Variants in CSMD1 observed in about 807,000 individuals in gnomAD.
CSMD1 encodes CUB and Sushi multiple domains 1, also known as CUB and sushi domain-containing protein 1.
A neutral mutation model predicts 417.5 loss-of-function variants in CSMD1; 213 were observed. That is an observed-to-expected ratio of 0.51 (90% CI 0.46 to 0.57). The LOEUF (loss-of-function observed/expected upper bound fraction) is 0.57. Ranked by LOEUF, CSMD1 falls within the 20% of genes least tolerant of loss-of-function variation. The pLI, the probability that CSMD1 is intolerant of heterozygous loss-of-function variation, is 0.00. For missense variants in CSMD1, 6,923 were observed against 4,529.7 expected (o/e 1.53, Z -15.17); for synonymous variants, 2,862 against 1,736.8 (o/e 1.65, Z -16.11).
intron 5 of CSMD1, among the ~76,000 whole-genome samples, chr8:3,889,988 C>T (rs1806846676): frequency 6.6e-6 from 1 of 151,998 alleles, no homozygotes. Context: ...CTCGAGACAA[C>T]CCTGGGAATA....
chr8:3,900,180 A>G (rs1807636568), intron 5 of CSMD1, among the ~76,000 whole-genome samples: 1 of 152,064 alleles, frequency 6.6e-6, no homozygotes, highest in Non-Finnish European at 1.5e-5. Flanking sequence ...GTGACAGTGT[A>G]GCTGGGTAAC....
intron 49 of CSMD1, among the ~76,000 whole-genome samples, chr8:3,077,807 G>T (rs867861498): frequency 2.0e-5 from 3 of 152,170 alleles, no homozygotes; most frequent in African/African-American, 7.2e-5. Flanking sequence ...CCTCTTCAAT[G>T]AAAGACCATA....
intron 11 of CSMD1, among the ~76,000 whole-genome samples, chr8:3,480,522 A>G (rs569878616): frequency 2.0e-5 from 3 of 152,318 alleles, no homozygotes; most frequent in African/African-American, 7.2e-5. Flanking sequence ...AAATTATTTA[A>G]AAAAATAATT....
chr8:4,612,434 G>T (rs559014178), intron 2 of CSMD1, among the ~76,000 whole-genome samples: 1 of 152,172 alleles, frequency 6.6e-6, no homozygotes, highest in Non-Finnish European at 1.5e-5. Context: ...GAAAATAATA[G>T]GGAAGATGCC....
chr8:4,599,980 G>T (rs897910722), intron 2 of CSMD1, among the ~76,000 whole-genome samples: 1 of 152,148 alleles, frequency 6.6e-6, no homozygotes, highest in African/African-American at 2.4e-5. Flanking sequence ...CTCCATGGAG[G>T]TGTTCACTGT....
At chr8:3,427,633 T>G (rs1254458160) in intron 12 of CSMD1, among the ~76,000 whole-genome samples, 2 of 152,140 alleles carry the variant, frequency 1.3e-5, no homozygotes, top group Non-Finnish European at 2.9e-5. Context: ...GTTCATAGAG[T>G]GATCCCACAA....
At chr8:3,417,702 G>C (rs1813242789) in intron 12 of CSMD1, among the ~76,000 whole-genome samples, 1 of 152,102 alleles carries the variant, frequency 6.6e-6, no homozygotes, top group Non-Finnish European at 1.5e-5. Flanking sequence ...TGACCACACT[G>C]TGCCTGCTCT....
intron 26 of CSMD1, among the ~76,000 whole-genome samples, chr8:3,269,924 A>G (rs1801713196): frequency 1.3e-5 from 2 of 152,212 alleles, no homozygotes; most frequent in South Asian, 4.1e-4. Flanking sequence ...TTAGTCTTCC[A>G]TAAAGTGAAG....
At chr8:3,912,852 G>C (rs1027592886) in intron 5 of CSMD1, among the ~76,000 whole-genome samples, 6 of 152,192 alleles carry the variant, frequency 3.9e-5, no homozygotes, top group African/African-American at 9.7e-5. Flanking sequence ...GAGAGTTCTG[G>C]AGGGGGCGTA....
chr8:4,024,440 A>T (rs984368277), intron 4 of CSMD1, among the ~76,000 whole-genome samples: 1 of 152,208 alleles, frequency 6.6e-6, no homozygotes, highest in Non-Finnish European at 1.5e-5. Context: ...AACCATGTTC[A>T]TATGTTACTG....
Position 3,287,831 on chromosome 8 carries a change from A to G in CSMD1, c.3951-3485T>C, listed in dbSNP as rs913676559. Reference sequence around the variant, plus strand: ...CCTGATTGCCCTGGCCAGAACTTCCAACACTATGTTGAATAGGACTGGTGA... The same window carrying G: ...CCTGATTGCCCTGGCCAGAACTTCCGACACTATGTTGAATAGGACTGGTGA... On this transcript the variant is annotated intron_variant, in intron 25 of 69. Transcript: ENST00000635120. 1.4e-3 allele frequency among the ~76,000 whole-genome samples: 219 copies of G among 151,166 alleles called. 6 individuals are homozygous for G. The highest frequency in any genetic ancestry group is 1.3e-4 in the Non-Finnish European group (9 of 67,984).
intron 2 of CSMD1, among the ~76,000 whole-genome samples, chr8:4,447,997 G>A (rs142958850): frequency 1.0e-3 from 157 of 152,238 alleles, no homozygotes; most frequent in African/African-American, 3.5e-3. Flanking sequence ...ATTTTTGCCA[G>A]GGGCAGGTGG....
intron 6 of CSMD1, among the ~76,000 whole-genome samples, chr8:3,729,534 G>C (rs527255864): frequency 6.6e-6 from 1 of 152,164 alleles, no homozygotes; most frequent in African/African-American, 2.4e-5. Context: ...AAGAGGAATC[G>C]AAGTGGGCCT....
chr8:4,362,716 G>A (rs1801843079), intron 3 of CSMD1, among the ~76,000 whole-genome samples: 1 of 152,138 alleles, frequency 6.6e-6, no homozygotes, highest in Non-Finnish European at 1.5e-5. Flanking sequence ...AAGAGAAAAG[G>A]ACTTTCTTTA....
At chr8:3,104,089 T>C (rs986477468) in intron 46 of CSMD1, among the ~76,000 whole-genome samples, 14 of 152,184 alleles carry the variant, frequency 9.2e-5, no homozygotes, top group Non-Finnish European at 1.9e-4. Flanking sequence ...TACGTATGCC[T>C]TTCTTCTCTT....
intron 62 of CSMD1, among the ~76,000 whole-genome samples, 190 bp downstream of exon 62, chr8:2,960,951 T>TATATATATATATATATATATATAC (rs1554472466): frequency 2.0e-4 from 20 of 99,492 alleles, no homozygotes; most frequent in African/African-American, 1.2e-3. Context: ...TATATATATA[T>TATATATATATATATATATATATAC]ATATATATAT....
chr8:3,895,264 G>A (rs1001387708), intron 5 of CSMD1, among the ~76,000 whole-genome samples: 2 of 152,088 alleles, frequency 1.3e-5, no homozygotes, highest in South Asian at 2.1e-4. Context: ...CAAAGAGATG[G>A]TCTACTGCTT....
intron 3 of CSMD1, among the ~76,000 whole-genome samples, chr8:4,038,723 T>G (rs571093355): frequency 5.3e-5 from 8 of 152,308 alleles, no homozygotes; most frequent in Admixed American, 5.2e-4. Flanking sequence ...CTTATTTAGG[T>G]GATGGGAATT....
Position 3,230,183 on chromosome 8 carries a change from G to C in CSMD1, c.4202C>G (p.Thr1401Ser), listed in dbSNP as rs370453881. The change falls in exon 27 of 70, where the codon ACC becomes AGC. Residue 1401 changes from threonine (T) to serine (S), a missense_variant. Coordinates refer to ENST00000635120, the MANE Select transcript of CSMD1 (RefSeq NM_033225.6). ...CNDPGMPQNG[T>S]RYGDSREAGD... ...AGCCTCTCTGCTGTCTCCATAGCGG[G>C]TGCCATTTTGGGGCATACCTGGATC... The C allele has an allele frequency of 1.2e-6, 2 of 1,611,728 alleles. No individual in the cohort carries two copies. Among genetic ancestry groups the C allele is most frequent in the African/African-American group, 1.3e-5 (1 of 74,932 alleles).
Sources: allele counts gnomAD v4.1 joint callset (sites outside exome capture counted in the v4.1 genomes callset), GRCh38; gene constraint gnomAD v4.1.1; transcripts MANE v1.5; gene names NCBI Gene and HGNC (gene_info 2026-07-23, HGNC 2026-07-21).